LATS2: variants seen among roughly 807,000 people sequenced by gnomAD.
The protein encoded by LATS2 is serine/threonine-protein kinase LATS2.
In LATS2, 24 loss-of-function variants were observed where a neutral mutation model predicts 76.0. The ratio of observed to expected loss-of-function variants is 0.32; its 90% CI spans 0.23 to 0.44. The LOEUF is 0.44. LATS2 is among the 20% of genes least tolerant of loss of function. LATS2 has a pLI of 1.00. For missense variants in LATS2, 1,286 were observed against 1,481.2 expected (o/e 0.87, Z 2.16); for synonymous variants, 692 against 635.4 (o/e 1.09, Z -1.34).
At chr13:21,057,167 C>A (rs745970962) in intron 1 of LATS2, among the ~76,000 whole-genome samples, 8 of 152,188 alleles carry the variant, frequency 5.3e-5, no homozygotes, top group Non-Finnish European at 8.8e-5. Context: ...AAGATCCTTA[C>A]CATCCTAACT....
chr13:20,986,032 G>A (rs573926574), intron 4 of LATS2, among the ~76,000 whole-genome samples: 16 of 152,230 alleles, frequency 1.1e-4, no homozygotes, highest in African/African-American at 3.6e-4. Context: ...CAACAAGAGC[G>A]AAACTCTGTC....
chr13:20,982,561 T>C (rs1208678838), intron 5 of LATS2, among the ~76,000 whole-genome samples: 3 of 151,904 alleles, frequency 2.0e-5, no homozygotes, highest in Non-Finnish European at 4.4e-5. Context: ...TCCGCCCACC[T>C]TGGGCTTTCA....
intron 1 of LATS2, among the ~76,000 whole-genome samples, chr13:21,050,121 T>C (rs1485923322): frequency 3.7e-5 from 2 of 54,754 alleles, no homozygotes; most frequent in Non-Finnish European, 9.9e-5. Context: ...CTCTGTCTCA[T>C]AGACAGATAG....
At chr13:20,987,582 A>T (rs1384894327) in intron 4 of LATS2, among the ~76,000 whole-genome samples, 1 of 152,196 alleles carries the variant, frequency 6.6e-6, no homozygotes, top group African/African-American at 2.4e-5. Context: ...GCGAGGACAT[A>T]CCCTAAAACT....
At chr13:21,024,122 GAA>G (rs1252024212) in intron 2 of LATS2, among the ~76,000 whole-genome samples, 5 of 137,506 alleles carry the variant, frequency 3.6e-5, no homozygotes, top group South Asian at 4.6e-4. Context: ...AAAAGAAAAA[GAA>G]AAAACAGCTT....
At chr13:21,010,972 G>A (rs1871571455) in intron 2 of LATS2, among the ~76,000 whole-genome samples, 1 of 152,230 alleles carries the variant, frequency 6.6e-6, no homozygotes. Flanking sequence ...TGTACCTTCA[G>A]TTTACATTGA....
intron 2 of LATS2, among the ~76,000 whole-genome samples, chr13:21,020,238 A>G (rs1302851159): frequency 6.6e-6 from 1 of 152,206 alleles, no homozygotes; most frequent in Non-Finnish European, 1.5e-5. Context: ...GACGTGAGCA[A>G]GTCTAGCTCT....
At chr13:21,021,612 T>G (rs1281383572) in intron 2 of LATS2, among the ~76,000 whole-genome samples, 1 of 152,056 alleles carries the variant, frequency 6.6e-6, no homozygotes, top group Non-Finnish European at 1.5e-5. Flanking sequence ...GTTAAGACGT[T>G]CAGGTTTCTT....
chr13:20,997,374 A>C (rs972323903), intron 2 of LATS2, among the ~76,000 whole-genome samples: 3 of 152,252 alleles, frequency 2.0e-5, no homozygotes, highest in Non-Finnish European at 4.4e-5. Context: ...AGATTTGCCC[A>C]TATGCTATCT....
Position 20,989,146 on chromosome 13 carries a change from C to G in LATS2, c.634G>C (p.Val212Leu). 1 of 1,611,718 alleles carries G rather than the reference C, an allele frequency of 6.2e-7. No homozygotes were observed. The highest frequency in any genetic ancestry group is 1.3e-5 in the African/African-American group (1 of 75,050). Reference sequence around the variant, plus strand: ...CCGACTCCGGGGAAAAGGTAGTCCACGTACGGCCGCGGCATCTCCTCCAGC... The same window carrying G: ...CCGACTCCGGGGAAAAGGTAGTCCAGGTACGGCCGCGGCATCTCCTCCAGC... ...TALEEMPRPY[V>L]DYLFPGVGPH... The change falls in exon 4 of 8, where the codon GTG becomes CTG. Residue 212 changes from valine to leucine, a missense_variant. Transcript: ENST00000382592.
intron 2 of LATS2, among the ~76,000 whole-genome samples, chr13:20,996,058 T>C (rs891184539): frequency 3.3e-5 from 5 of 152,208 alleles, no homozygotes; most frequent in East Asian, 1.9e-4. Context: ...TGCTAATCCA[T>C]TGAAGTTGGT....
intron 2 of LATS2, among the ~76,000 whole-genome samples, chr13:21,029,856 G>C (rs909864267): frequency 2.0e-5 from 3 of 152,098 alleles, no homozygotes; most frequent in Non-Finnish European, 4.4e-5. Flanking sequence ...CAGCACTTTG[G>C]GAAGCCAGGG....
chr13:21,004,577 C>G (rs1474054696), intron 2 of LATS2, among the ~76,000 whole-genome samples: 1 of 152,190 alleles, frequency 6.6e-6, no homozygotes, highest in Admixed American at 6.5e-5. Flanking sequence ...CGAGTGCACA[C>G]AGCATGCTGT....
chr13:20,973,940 T>A lies in LATS2; in HGVS notation c.*930A>T. 4.6e-6 allele frequency: 1 copy of A among 216,600 alleles called. No homozygotes were observed. Among genetic ancestry groups the A allele is most frequent in the Non-Finnish European group, 9.2e-6 (1 of 108,926 alleles). 13.4% of individuals were successfully genotyped at this position (216,600 alleles called of 1,614,324 possible). A position where few individuals can be genotyped will look rare whatever the true frequency, so the allele number is the denominator to read the frequency against. On this transcript the variant is annotated 3_prime_UTR_variant, in exon 8 of 8. Transcript: ENST00000382592. Reference sequence around the variant, plus strand: ...CGCTGTATTAATCCCTTTTGATGTATATAAGTTCAGTATATGACAAATGTT... The same window carrying A: ...CGCTGTATTAATCCCTTTTGATGTAAATAAGTTCAGTATATGACAAATGTT...
rs777319923 is a variant in LATS2 at position 20,974,875 on chromosome 13, C to T, written c.3262G>A (p.Val1088Met). ...DQTEGCQPVY[V>M] ...TGGGGGTGCCTGGCCCCCATCTACA[C>T]GTACACAGGCTGGCAGCCTTCAGTC... The change falls in exon 8 of 8, where the codon GTG (valine) becomes ATG (methionine). Residue 1088 changes from valine (V) to methionine (M), a missense_variant. By Grantham distance (21) the Val-to-Met change is conservative. Around this residue, in one of 5 missense-constraint regions of LATS2, gnomAD observed 210 missense variants for 234.9 expected, o/e 0.89. Coordinates refer to ENST00000382592, the MANE Select transcript of LATS2 (RefSeq NM_014572.3). The T allele has an allele frequency of 5.0e-6, 8 of 1,608,924 alleles. No homozygotes were observed. The highest frequency in any genetic ancestry group is 2.2e-5 in the East Asian group (1 of 44,852).
At chr13:21,017,069 T>C (rs1871829437) in intron 2 of LATS2, among the ~76,000 whole-genome samples, 1 of 152,206 alleles carries the variant, frequency 6.6e-6, no homozygotes, top group Non-Finnish European at 1.5e-5. Context: ...TTAGTGCTTC[T>C]TACCCAGATT....
chr13:21,046,413 C>T (rs1041019032), intron 1 of LATS2, among the ~76,000 whole-genome samples, 183 bp from the exon 2 acceptor site: 2 of 152,216 alleles, frequency 1.3e-5, no homozygotes, highest in African/African-American at 4.8e-5. Context: ...ATGACATCTA[C>T]GGCTGTCCCA....
intron 2 of LATS2, among the ~76,000 whole-genome samples, chr13:21,007,282 T>C (rs1871295335): frequency 6.6e-6 from 1 of 151,506 alleles, no homozygotes; most frequent in African/African-American, 2.4e-5. Context: ...TGTTTAAAAC[T>C]TGGCTGTTAC....
chr13:20,975,200 G>T lies in LATS2; in HGVS notation c.2937C>A (p.Ser979=), dbSNP rs376637350. The T allele has an allele frequency of 3.0e-5, 48 of 1,614,086 alleles. No homozygotes were observed. The highest frequency in any genetic ancestry group is 3.9e-5 in the Non-Finnish European group (46 of 1,180,044). ...AHPFFSAIDF[S]SDIRKQPAPY... ...GGGCTGGCTGCTTCCGGATGTCACTGGAGAAGTCAATGGCGCTGAAGAAGG... is the reference window on the plus strand; with the variant it reads ...GGGCTGGCTGCTTCCGGATGTCACTTGAGAAGTCAATGGCGCTGAAGAAGG... The change falls in exon 8 of 8, where the codon TCC becomes TCA. Residue 979 remains serine (S), a synonymous_variant. Transcript: ENST00000382592.
Sources: gnomAD v4.1 joint callset for allele counts (sites outside exome capture counted in the v4.1 genomes callset) on GRCh38, gnomAD v4.1.1 for gene constraint, gnomAD v4.1.1 regional missense constraint, MANE v1.5 for transcripts, NCBI Gene and HGNC (gene_info 2026-07-23, HGNC 2026-07-21) for gene names.